The following SAFB variants were observed in gnomAD, a reference collection of about 807,000 sequenced individuals.
SAFB encodes scaffold attachment factor B1.
Under a neutral mutation model 101.6 loss-of-function variants are expected in SAFB, and 15 were observed. The ratio of observed to expected loss-of-function variants is 0.15; its 90% CI spans 0.10 to 0.23. The LOEUF (loss-of-function observed/expected upper bound fraction) is 0.23, where lower values mean the gene tolerates loss of function less well. Ranked by LOEUF, SAFB falls within the 10% of genes least tolerant of loss-of-function variation. The pLI is 1.00. For synonymous variants in SAFB, 449 were observed against 407.5 expected (o/e 1.10, Z -1.23); for missense variants, 930 against 1,104.1 (o/e 0.84, Z 2.23).
At chr19:5,626,266 TGGGC>T in intron 1 of SAFB, 135 bp from the exon 2 acceptor site, 5 of 617,070 alleles carry the variant, frequency 8.1e-6, no homozygotes, top group South Asian at 5.8e-5. Flanking sequence ...GATGAGTGGA[TGGGC>T]CACAGGTCCT....
intron 2 of SAFB, among the ~76,000 whole-genome samples, chr19:5,641,208 C>T (rs1228483998): frequency 2.0e-5 from 3 of 152,154 alleles, no homozygotes; most frequent in East Asian, 1.9e-4. Flanking sequence ...TGTGCATACT[C>T]GGGCATGCGC....
In SAFB at chr19:5,668,178, C is replaced by T. The variant is rs761189377; in HGVS notation, c.2641C>T (p.Pro881Ser). ...TGTTCCTAGGCGCGGCAGCTTTGCC[C>T]CAGGCGGGGCCTCCCGGGGCCACCC... Reference protein sequence around the residue: ...GGMSGRGSFAPGGASRGHPIP... With the variant: ...GGMSGRGSFASGGASRGHPIP... Residue 881 changes from proline to serine, a missense_variant, in exon 21 of 21, where the codon CCA becomes TCA. By Grantham distance (74) the Pro-to-Ser change is moderately conservative (BLOSUM62 -1). This residue lies in a region of SAFB where 318 missense variants were observed against 342.6 expected (regional missense o/e 0.93). Coordinates refer to ENST00000588852, the MANE Select transcript of SAFB (RefSeq NM_001201338.2). The T allele has an allele frequency of 6.2e-7, 1 of 1,605,462 alleles. No individual in the cohort carries two copies. Among genetic ancestry groups the T allele is most frequent in the Admixed American group, 1.7e-5 (1 of 57,296 alleles).
intron 13 of SAFB, among the ~76,000 whole-genome samples, 170 bp downstream of exon 13, chr19:5,654,626 C>G (rs1453266949): frequency 6.6e-6 from 1 of 152,190 alleles, no homozygotes; most frequent in Non-Finnish European, 1.5e-5. Context: ...CTCTGTTGCC[C>G]AGACTAGAGT....
chr19:5,624,263 TAGG>T lies in SAFB; in HGVS notation c.189+871_189+873del, dbSNP rs1568241685. ...TCTCCTGTAAGAAGCAAAAAAGCAATAGGACTTTGATTTGGGGATTAAATAAGT... is the reference window on the plus strand; with the variant it reads ...TCTCCTGTAAGAAGCAAAAAAGCAATACTTTGATTTGGGGATTAAATAAGT... On this transcript the variant is annotated intron_variant, in intron 1 of 20. Coordinates refer to ENST00000588852, the MANE Select transcript of SAFB (RefSeq NM_001201338.2). Among the ~76,000 whole-genome samples the T allele has an allele frequency of 2.0e-5, 3 of 149,428 alleles. No individual in the cohort carries two copies. In the East Asian group the frequency reaches 5.9e-4, roughly 30 times the overall value.
rs1300391958 is a variant in SAFB at position 5,667,220 on chromosome 19, G to A, written c.2453+56G>A. Reference sequence around the variant, plus strand: ...CCCCCCCCCGCCCACAAGGGGGCCCGCAAGTCGCTGGGATGTGGGCACAGG... The same window carrying A: ...CCCCCCCCCGCCCACAAGGGGGCCCACAAGTCGCTGGGATGTGGGCACAGG... On this transcript the variant is annotated intron_variant, in intron 18 of 20. Transcript: ENST00000588852. This position sits in a 1 kb window ranked among gnomAD's most constrained non-coding sequence, Gnocchi z 4.0. The A allele has an allele frequency of 4.1e-6, 5 of 1,222,070 alleles. No individual in the cohort carries two copies. In the East Asian group the frequency reaches 1.0e-4, roughly 25 times the overall value. The allele number at this position is 1,222,070 out of a possible 1,614,324, so 75.7% of individuals were successfully genotyped here.
chr19:5,638,714 CTTTTTTT>C (rs758543978), intron 2 of SAFB, among the ~76,000 whole-genome samples: 2 of 116,358 alleles, frequency 1.7e-5, no homozygotes, highest in African/African-American at 3.3e-5. Context: ...TAATCTTAGT[CTTTTTTT>C]TTTTTTTTTT....
intron 15 of SAFB, among the ~76,000 whole-genome samples, chr19:5,662,172 A>G (rs1362313281): frequency 6.6e-6 from 1 of 151,978 alleles, no homozygotes; most frequent in Non-Finnish European, 1.5e-5. Flanking sequence ...GCTGTGAGCC[A>G]CCGCGACCGG....
chr19:5,653,038 C>T, intron 9 of SAFB, 77 bp from the exon 10 acceptor site: 1 of 1,475,678 alleles, frequency 6.8e-7, no homozygotes, highest in East Asian at 2.3e-5. Flanking sequence ...AGCAGACTTC[C>T]CTGTGGGGTG....
Position 5,641,595 on chromosome 19 carries a change from G to A in SAFB, c.276G>A (p.Gly92=), listed in dbSNP as rs902554257. 1.2e-6 allele frequency: 2 copies of A among 1,613,618 alleles called. No homozygotes were observed. The highest frequency in any genetic ancestry group is 8.5e-7 in the Non-Finnish European group (1 of 1,179,754). The change falls in exon 3 of 21, where the codon GGG becomes GGA. Residue 92 remains glycine (G), a splice_region_variant and synonymous_variant. Coordinates refer to ENST00000588852, the MANE Select transcript of SAFB (RefSeq NM_001201338.2). ...TGCTGTAAATGATTCTGTCTTCAGG[G>A]CGCAAACCAGAAGAAGAGGGTGTGG... is the stretch of plus-strand genomic sequence containing the variant. ...NKKTSKRSSK[G]RKPEEEGVED... is the part of the protein sequence containing the mutation.
At chr19:5,661,321 G>A (rs1271699831) in intron 14 of SAFB, among the ~76,000 whole-genome samples, 197 bp from the exon 15 acceptor site, 1 of 151,252 alleles carries the variant, frequency 6.6e-6, no homozygotes, top group Non-Finnish European at 1.5e-5. Context: ...ACACAGCCTG[G>A]GCCTCACTCC....
chr19:5,651,935 C>T (rs1263538664), intron 9 of SAFB, among the ~76,000 whole-genome samples: 1 of 152,232 alleles, frequency 6.6e-6, no homozygotes, highest in Non-Finnish European at 1.5e-5. Context: ...GTGGCTCACG[C>T]CTGTAATTCC....
In SAFB at chr19:5,663,891, T is replaced by G. The variant is rs1599387344; in HGVS notation, c.2154-131T>G. The stretch of plus-strand genomic sequence containing the variant: ...CACTGGGGTCAAATCAGACCTTGCC[T>G]CCTATAGGAGAGAACACTCTTGGTG... On this transcript the variant is annotated intron_variant, in intron 15 of 20. Transcript: ENST00000588852. 5.1e-6 allele frequency: 5 copies of G among 977,658 alleles called. No individual in the cohort carries two copies. In the East Asian group the frequency reaches 1.2e-4, roughly 24 times the overall value. The allele number at this position is 977,658 out of a possible 1,614,324, so 60.6% of individuals were successfully genotyped here.
intron 6 of SAFB, chr19:5,648,723 G>T: frequency 1.6e-6 from 1 of 610,860 alleles, no homozygotes; most frequent in South Asian, 1.8e-5. Context: ...ACAGAATGAA[G>T]ACTGTCAAGA....
intron 2 of SAFB, among the ~76,000 whole-genome samples, chr19:5,639,396 A>C (rs892047376): frequency 6.6e-6 from 1 of 152,192 alleles, no homozygotes; most frequent in African/African-American, 2.4e-5. Context: ...GCTTGGCCAC[A>C]TAAGAGTGAA....
chr19:5,641,281 C>T (rs1270828241), intron 2 of SAFB, among the ~76,000 whole-genome samples: 1 of 152,156 alleles, frequency 6.6e-6, no homozygotes, highest in African/African-American at 2.4e-5. Context: ...AATAATTTTT[C>T]CCTCAAACAA....
intron 6 of SAFB, 74 bp downstream of exon 6, chr19:5,648,117 C>A (rs1430101569): frequency 6.2e-6 from 8 of 1,281,204 alleles, no homozygotes; most frequent in Admixed American, 4.1e-5. Flanking sequence ...AATTTGAATT[C>A]TTTGATTTTT....
chr19:5,661,356 T>C (rs1345560470), intron 14 of SAFB, 162 bp from the exon 15 acceptor site: 1 of 1,281,942 alleles, frequency 7.8e-7, no homozygotes, highest in Non-Finnish European at 1.1e-6. Flanking sequence ...GCTGCTCCTG[T>C]GGGCCCGAGA....
intron 13 of SAFB, among the ~76,000 whole-genome samples, chr19:5,656,509 C>G (rs149788115): frequency 6.6e-6 from 1 of 151,082 alleles, no homozygotes; most frequent in South Asian, 2.1e-4. Flanking sequence ...CTCCTGACTT[C>G]AAGTGATCCA....
chr19:5,668,168 C>G lies in SAFB; in HGVS notation c.2631C>G (p.Gly877=). 1 of 1,606,446 alleles carries G rather than the reference C, an allele frequency of 6.2e-7. No individual in the cohort carries two copies. Among genetic ancestry groups the G allele is most frequent in the Non-Finnish European group, 8.5e-7 (1 of 1,177,492 alleles). ...AATGTGAATTTGTTCCTAGGCGCGG[C>G]AGCTTTGCCCCAGGCGGGGCCTCCC... ...MMNRGGMSGR[G]SFAPGGASRG... Residue 877 remains glycine, a synonymous_variant, in exon 21 of 21, where the codon GGC becomes GGG. Transcript: ENST00000588852.
Sources: allele counts gnomAD v4.1 joint callset (sites outside exome capture counted in the v4.1 genomes callset), GRCh38; gene constraint gnomAD v4.1.1; regional missense constraint gnomAD v4.1.1; non-coding constraint Gnocchi (gnomAD v3.1); transcripts MANE v1.5; gene names NCBI Gene and HGNC (gene_info 2026-07-23, HGNC 2026-07-21).